The following PHF8 variants were observed in gnomAD, a reference collection of about 807,000 sequenced individuals.
PHF8 encodes PHD finger protein 8, also known as histone lysine demethylase PHF8.
PHF8 carries 9 observed loss-of-function variants against 74.4 expected under a neutral mutation model. The observed-to-expected ratio is 0.12, with a 90% CI of 0.07 to 0.21. The LOEUF is 0.21. Ranked by LOEUF, PHF8 falls within the 10% of genes least tolerant of loss-of-function variation. The pLI, the probability that PHF8 is intolerant of heterozygous loss-of-function variation, is 1.00. For synonymous variants in PHF8, 311 were observed against 316.6 expected, an observed-to-expected ratio of 0.98 and a Z score of 0.19; for missense variants, 478 against 816.6, an observed-to-expected ratio of 0.59 and a Z score of 5.05.
chrX:54,016,916 C>T (rs1191350738), intron 5 of PHF8, among the ~76,000 whole-genome samples, 180 bp from the exon 6 acceptor site: 1 of 112,125 alleles, frequency 8.9e-6, no homozygotes, highest in Non-Finnish European at 1.9e-5. Flanking sequence ...TTCCTTAGAT[C>T]TATGTGCCCT....
chrX:53,983,706 T>C (rs1234340717), intron 18 of PHF8, among the ~76,000 whole-genome samples: 1 of 112,209 alleles, frequency 8.9e-6, no homozygotes, highest in Non-Finnish European at 1.9e-5. Context: ...GCAGCATTGT[T>C]AGTAAAAGTA....
chrX:54,004,493 A>T (rs1416899928), intron 8 of PHF8, among the ~76,000 whole-genome samples: 2 of 112,296 alleles, frequency 1.8e-5, no homozygotes, highest in Non-Finnish European at 3.8e-5. Flanking sequence ...ATTATGTAAC[A>T]AGAATTTGAA....
rs2066587944 is a variant in PHF8 at position 54,042,958 on chromosome X, A to G, written c.-92-138T>C. 3.6e-5 allele frequency: 19 copies of G among 530,845 alleles called. No individual in the cohort carries two copies. In the South Asian group the frequency reaches 7.8e-4, roughly 22 times the overall value. 43.7% of individuals were successfully genotyped at this position (530,845 alleles called of 1,213,427 possible). ...TGCGGCTGTAGGGGGCAACCAGAGA[A>G]AGTCCACCCGGCCCTTAGAATTTCT... On this transcript the variant is annotated intron_variant, in intron 1 of 21. Transcript: ENST00000338154.
intron 2 of PHF8, among the ~76,000 whole-genome samples, chrX:54,032,718 G>T (rs186951395): frequency 1.2e-5 from 1 of 80,038 alleles, no homozygotes; most frequent in Non-Finnish European, 2.3e-5. Context: ...CCCCCACCCC[G>T]GTGTCCAGAA....
intron 19 of PHF8, among the ~76,000 whole-genome samples, chrX:53,948,895 C>A (rs782094014): frequency 1.9e-5 from 2 of 106,998 alleles, no homozygotes; most frequent in South Asian, 8.7e-4. Flanking sequence ...CATGGAGGTG[C>A]ATGCCTGTAA....
At chrX:54,037,234 A>C (rs2146509833) in intron 2 of PHF8, among the ~76,000 whole-genome samples, 1 of 111,200 alleles carries the variant, frequency 9.0e-6, no homozygotes, top group East Asian at 2.8e-4. Context: ...ACGAAGACAA[A>C]TTTTTTTTGT....
chrX:53,998,103 G>A (rs960716611), intron 11 of PHF8, among the ~76,000 whole-genome samples: 1 of 111,835 alleles, frequency 8.9e-6, no homozygotes, highest in African/African-American at 3.2e-5. Context: ...GTTCACATAG[G>A]TCAAAAATCA....
chrX:53,984,992 C>T lies in PHF8; in HGVS notation c.2365G>A (p.Glu789Lys), dbSNP rs782056855. The change falls in exon 18 of 22, where the codon GAG becomes AAG. Residue 789 changes from glutamate (E) to lysine (K), a missense_variant. Transcript: ENST00000338154. ...PIKRPAYWRT[E>K]SEEEEENASL... ...GCGTTCTCCTCCTCCTCCTCGCTCT[C>T]GGTTCTCCAGTATGCTGGCCGCTTG... The T allele has an allele frequency of 5.8e-6, 7 of 1,211,131 alleles. No homozygotes were observed. The highest frequency in any genetic ancestry group is 2.3e-4 in the Middle Eastern group (1 of 4,352).
At chrX:53,968,403 C>CA (rs1316442676) in intron 18 of PHF8, among the ~76,000 whole-genome samples, 4 of 111,830 alleles carry the variant, frequency 3.6e-5, no homozygotes, top group Non-Finnish European at 5.6e-5. Flanking sequence ...CCTGAACAGA[C>CA]AAGAAGTAAT....
chrX:54,047,955 C>T (rs782303358), upstream of PHF8, among the ~76,000 whole-genome samples: 2 of 110,974 alleles, frequency 1.8e-5, no homozygotes, highest in Admixed American at 9.6e-5. Context: ...TTTGGGAGGC[C>T]GAGGCGGGTG....
Position 53,987,934 on chromosome X carries a change from C to G in PHF8, c.1741G>C (p.Val581Leu), listed in dbSNP as rs781851454. The change falls in exon 15 of 22, where the codon GTG becomes CTG. Residue 581 changes from valine to leucine, a missense_variant. Around this residue, in one of 9 missense-constraint regions of PHF8, gnomAD observed 153 missense variants for 164.8 expected, o/e 0.93. Transcript: ENST00000338154. ...CGCCGAGATTTGGATAAACTCTTCA[C>G]CCTTTTCGTACTGAAGGGAAGGAGA... ...LLMSNGSTKR[V>L]KSLSKSRRTK... is the part of the protein sequence containing the mutation. 1 of 1,204,643 alleles carries G rather than the reference C, an allele frequency of 8.3e-7. No individual in the cohort carries two copies. Among genetic ancestry groups the G allele is most frequent in the Non-Finnish European group, 1.1e-6 (1 of 891,015 alleles).
At chrX:53,989,287 T>C (rs1480733136) in intron 14 of PHF8, among the ~76,000 whole-genome samples, 7 of 110,755 alleles carry the variant, frequency 6.3e-5, no homozygotes. Context: ...AAAAAACACA[T>C]ACAATGAGTT....
intron 11 of PHF8, 136 bp from the exon 12 acceptor site, chrX:53,995,918 G>GC: frequency 2.5e-6 from 1 of 403,715 alleles, no homozygotes. Context: ...ATATCCACAT[G>GC]CAAAAAAAAA....
chrX:53,973,201 T>C (rs1396395501), intron 18 of PHF8, among the ~76,000 whole-genome samples: 1 of 111,960 alleles, frequency 8.9e-6, no homozygotes, highest in African/African-American at 3.2e-5. Flanking sequence ...AGAATCAATA[T>C]CGTGAAAATG....
intron 8 of PHF8, among the ~76,000 whole-genome samples, chrX:54,007,110 T>A: frequency 9.0e-6 from 1 of 111,615 alleles, no homozygotes; most frequent in Non-Finnish European, 1.9e-5. Context: ...AAATAAACCC[T>A]TATCTTTGGT....
At chrX:53,952,449 AACAG>A (rs1456309951) in intron 19 of PHF8, among the ~76,000 whole-genome samples, 4 of 112,223 alleles carry the variant, frequency 3.6e-5, no homozygotes, top group African/African-American at 1.3e-4. Context: ...TAACTGGATT[AACAG>A]ACAATTACAT....
intron 18 of PHF8, among the ~76,000 whole-genome samples, chrX:53,965,484 C>A (rs1339378498): frequency 1.8e-5 from 2 of 112,777 alleles, no homozygotes; most frequent in Non-Finnish European, 3.7e-5. Context: ...ACTAAAAATA[C>A]AAAAATTAGC....
intron 16 of PHF8, 43 bp from the exon 17 acceptor site, chrX:53,985,992 T>C (rs1557099499): frequency 8.5e-7 from 1 of 1,175,350 alleles, no homozygotes. Flanking sequence ...CCAGGATTGG[T>C]CTGGTAAGGC....
intron 18 of PHF8, among the ~76,000 whole-genome samples, chrX:53,983,095 ACT>A (rs1423787767): frequency 9.3e-6 from 1 of 107,835 alleles, no homozygotes; most frequent in African/African-American, 3.4e-5. Flanking sequence ...TTGAGGTGGG[ACT>A]GCAGAGGTCT....
Sources: gnomAD v4.1 joint callset for allele counts (sites outside exome capture counted in the v4.1 genomes callset) on GRCh38, gnomAD v4.1.1 for gene constraint, gnomAD v4.1.1 regional missense constraint, MANE v1.5 for transcripts, NCBI Gene and HGNC (gene_info 2026-07-23, HGNC 2026-07-21) for gene names.